Variants in VPS13A observed in about 807,000 individuals in gnomAD.
VPS13A encodes intermembrane lipid transfer protein VPS13A.
Under a neutral mutation model 390.9 loss-of-function variants are expected in VPS13A, and 264 were observed. The observed-to-expected ratio is 0.68, with a 90% CI of 0.61 to 0.75. The LOEUF is 0.75. Among genes scored for constraint, VPS13A ranks in the 30% least tolerant of loss-of-function variants. VPS13A has a pLI of 0.00. For missense variants in VPS13A, 3,409 were observed against 3,733.9 expected, an observed-to-expected ratio of 0.91 and a Z score of 2.27; for synonymous variants, 1,231 against 1,227.1, an observed-to-expected ratio of 1.00 and a Z score of -0.07.
At chr9:77,306,406 G>T (rs141894781) in intron 34 of VPS13A, among the ~76,000 whole-genome samples, 71 of 127,356 alleles carry the variant, frequency 5.6e-4, no homozygotes, top group African/African-American at 1.9e-3. Flanking sequence ...GAGAGAGTGT[G>T]TGTGTGTTTG....
At chr9:77,277,569 C>T (rs1159063776) in intron 26 of VPS13A, among the ~76,000 whole-genome samples, 1 of 152,194 alleles carries the variant, frequency 6.6e-6, no homozygotes, top group Non-Finnish European at 1.5e-5. Context: ...ATCCTCTGTG[C>T]TCCACCTATT....
At chr9:77,281,480 G>A (rs879522837) in intron 27 of VPS13A, among the ~76,000 whole-genome samples, 3 of 151,972 alleles carry the variant, frequency 2.0e-5, no homozygotes, top group Non-Finnish European at 4.4e-5. Flanking sequence ...AGAGTATTTG[G>A]ATACTTGGTG....
intron 45 of VPS13A, among the ~76,000 whole-genome samples, chr9:77,327,457 T>C (rs1366937516): frequency 6.6e-6 from 1 of 152,170 alleles, no homozygotes; most frequent in Non-Finnish European, 1.5e-5. Flanking sequence ...ATTAAAAATA[T>C]AGTACAGTTA....
At position 77,306,430 on chromosome 9, in the gene VPS13A, G is replaced by A. The variant is rs557666435; in HGVS notation, c.3961-1515G>A. 1.4e-4 allele frequency among the ~76,000 whole-genome samples: 21 copies of A among 151,604 alleles called. No individual in the cohort carries two copies. In the South Asian group the frequency reaches 4.0e-3, roughly 29 times the overall value. The stretch of plus-strand genomic sequence containing the variant: ...TGTGTGTGTTTGTGTGTGTGTGTGT[G>A]TGTGTGTGTGTGTGTGTGTAAAGAG... On this transcript the variant is annotated intron_variant, in intron 34 of 71. Coordinates refer to ENST00000360280, the MANE Select transcript of VPS13A (RefSeq NM_033305.3).
At chr9:77,256,682 T>TA (rs1484295133) in intron 22 of VPS13A, among the ~76,000 whole-genome samples, 2 of 152,192 alleles carry the variant, frequency 1.3e-5, no homozygotes, top group African/African-American at 4.8e-5. Flanking sequence ...GTTTGGCACA[T>TA]ATATGTTTAT....
chr9:77,405,363 A>G (rs1834555068), intron 69 of VPS13A, among the ~76,000 whole-genome samples: 1 of 152,142 alleles, frequency 6.6e-6, no homozygotes, highest in Non-Finnish European at 1.5e-5. Flanking sequence ...CTAAGGCGTT[A>G]ATTATATGAA....
At chr9:77,334,167 A>G (rs557194715) in intron 46 of VPS13A, among the ~76,000 whole-genome samples, 8 of 152,334 alleles carry the variant, frequency 5.3e-5, no homozygotes, top group African/African-American at 1.9e-4. Flanking sequence ...GCATGAAAGC[A>G]TAGTGTTAAA....
Position 77,339,749 on chromosome 9 carries a change from T to C in VPS13A, c.6612T>C (p.Thr2204=). ...TTGCTGTCCATATGACTTACAATAC[T>C]GGTCAGACAGTTGTGGCATTTCATA... The part of the protein sequence containing the change: ...LDIAVHMTYN[T]GQTVVAFHSP... The change falls in exon 48 of 72, where the codon ACT becomes ACC. Residue 2204 remains threonine (T), a synonymous_variant. Transcript: ENST00000360280. 1 of 1,614,110 alleles carries C rather than the reference T, an allele frequency of 6.2e-7. No individual in the cohort carries two copies. Among genetic ancestry groups the C allele is most frequent in the South Asian group, 1.1e-5 (1 of 91,084 alleles).
intron 68 of VPS13A, among the ~76,000 whole-genome samples, chr9:77,390,425 T>C (rs527396650): frequency 2.0e-5 from 3 of 152,292 alleles, no homozygotes; most frequent in Non-Finnish European, 4.4e-5. Flanking sequence ...GAACATTTAA[T>C]AGTGTGTACC....
chr9:77,260,306 A>G (rs1825682168), intron 23 of VPS13A, 82 bp downstream of exon 23: 6 of 1,461,444 alleles, frequency 4.1e-6, no homozygotes, highest in South Asian at 1.2e-5. Context: ...GGAATTTTAT[A>G]TAAGACAATT....
intron 34 of VPS13A, among the ~76,000 whole-genome samples, chr9:77,303,885 A>G (rs1434302037): frequency 6.6e-6 from 1 of 152,130 alleles, no homozygotes; most frequent in African/African-American, 2.4e-5. Flanking sequence ...CAAATGTACA[A>G]TTGGGTTTTA....
At chr9:77,313,613 T>C (rs1284388974) in intron 35 of VPS13A, among the ~76,000 whole-genome samples, 1 of 152,216 alleles carries the variant, frequency 6.6e-6, no homozygotes, top group Non-Finnish European at 1.5e-5. Flanking sequence ...CTCTTGGTTT[T>C]AGTTTTTTAA....
intron 5 of VPS13A, among the ~76,000 whole-genome samples, chr9:77,206,711 G>C (rs1008619301): frequency 6.6e-6 from 1 of 151,992 alleles, no homozygotes; most frequent in African/African-American, 2.4e-5. Flanking sequence ...ATGTAAATAC[G>C]CTGTTCTTTA....
chr9:77,399,999 A>G (rs1834301877), intron 68 of VPS13A, among the ~76,000 whole-genome samples: 1 of 152,144 alleles, frequency 6.6e-6, no homozygotes, highest in African/African-American at 2.4e-5. Context: ...GCTCCATTGT[A>G]TGGCTGTACA....
At chr9:77,211,276 C>T (rs1386403755) in intron 7 of VPS13A, 1 of 152,092 alleles carries the variant, frequency 6.6e-6, no homozygotes, top group Non-Finnish European at 1.5e-5. Flanking sequence ...ACCCGTCCTT[C>T]CCCAGAGATA....
intron 68 of VPS13A, among the ~76,000 whole-genome samples, chr9:77,403,002 A>G (rs1229946893): frequency 2.0e-5 from 3 of 152,232 alleles, no homozygotes; most frequent in Non-Finnish European, 4.4e-5. Flanking sequence ...ATCAGCTTCT[A>G]AAAGTCTAGC....
intron 50 of VPS13A, among the ~76,000 whole-genome samples, chr9:77,342,963 G>A (rs1830919576): frequency 6.6e-6 from 1 of 152,162 alleles, no homozygotes; most frequent in Non-Finnish European, 1.5e-5. Flanking sequence ...GTAGGACAAA[G>A]CGGAGGAGCT....
intron 27 of VPS13A, among the ~76,000 whole-genome samples, chr9:77,281,543 C>T (rs776020961): frequency 4.4e-4 from 67 of 151,914 alleles, no homozygotes; most frequent in South Asian, 1.0e-3. Flanking sequence ...TAGGAAGAAC[C>T]GTACAGAGTT....
chr9:77,253,695 A>G (rs1290566715), intron 22 of VPS13A, among the ~76,000 whole-genome samples: 1 of 152,106 alleles, frequency 6.6e-6, no homozygotes, highest in African/African-American at 2.4e-5. Flanking sequence ...GTGTTTCCTT[A>G]TCACTCTGTT....
Sources: gnomAD v4.1 joint callset for allele counts (sites outside exome capture counted in the v4.1 genomes callset) on GRCh38, gnomAD v4.1.1 for gene constraint, MANE v1.5 for transcripts, NCBI Gene and HGNC (gene_info 2026-07-23, HGNC 2026-07-21) for gene names.